Variants in CDHR3 observed in about 807,000 individuals in gnomAD.
CDHR3 encodes the protein cadherin related family member 3.
In CDHR3, 79 loss-of-function variants were observed where a neutral mutation model predicts 86.6. The ratio of observed to expected loss-of-function variants is 0.91; its 90% CI spans 0.76 to 1.10. The LOEUF is 1.10. CDHR3 is among the 50% of genes least tolerant of loss of function. The pLI, the probability that CDHR3 is intolerant of heterozygous loss-of-function variation, is 0.00. For missense variants in CDHR3, 1,081 were observed against 1,077.6 expected (o/e 1.00, Z -0.04); for synonymous variants, 421 against 402.4 (o/e 1.05, Z -0.55).
rs1438446831 is a variant in CDHR3 at position 106,016,042 on chromosome 7, A to C, written c.1426+17A>C. The C allele has an allele frequency of 6.4e-6, 10 of 1,550,496 alleles. No individual in the cohort carries two copies. Among genetic ancestry groups the C allele is most frequent in the African/African-American group, 1.4e-5 (1 of 73,724 alleles). ...GAAGGCCCGGTAAGTAACAGATAAG[A>C]CACAGACCAGAGTGCTGTCAATGGA... On this transcript the variant is annotated intron_variant, in intron 11 of 18. Transcript: ENST00000317716.
chr7:106,008,039 G>T (rs1263980422), intron 8 of CDHR3, among the ~76,000 whole-genome samples: 1 of 152,188 alleles, frequency 6.6e-6, no homozygotes, highest in Non-Finnish European at 1.5e-5. Flanking sequence ...GAGAGCTTGT[G>T]CAGGGAAACT....
chr7:106,017,249 C>T (rs1005293101), intron 11 of CDHR3, among the ~76,000 whole-genome samples: 1 of 151,898 alleles, frequency 6.6e-6, no homozygotes, highest in Non-Finnish European at 1.5e-5. Context: ...GATTAGTGTC[C>T]CTGGAGCCTA....
rs1348547419 is a variant in CDHR3 at position 106,033,629 on chromosome 7, A to G, written c.*932A>G. ...GTGGTGGGCACATGTAATCCCAGCTACTTGGGAGGCTGAGGTAGGGAGAAC... is the reference window on the plus strand; with the variant it reads ...GTGGTGGGCACATGTAATCCCAGCTGCTTGGGAGGCTGAGGTAGGGAGAAC... On this transcript the variant is annotated 3_prime_UTR_variant, in exon 19 of 19. Transcript: ENST00000317716. The G allele has an allele frequency of 6.6e-6, 1 of 152,174 alleles. No individual in the cohort carries two copies. The highest frequency in any genetic ancestry group is 1.5e-5 in the Non-Finnish European group (1 of 68,056). 9.4% of individuals were successfully genotyped at this position (152,174 alleles called of 1,614,324 possible). A position where few individuals can be genotyped will look rare whatever the true frequency, so the allele number is the denominator to read the frequency against.
intron 9 of CDHR3, among the ~76,000 whole-genome samples, chr7:106,014,310 G>A (rs143342047): frequency 1.8e-3 from 267 of 152,228 alleles, no homozygotes; most frequent in African/African-American, 6.2e-3. Flanking sequence ...GTGAATGCTC[G>A]AAACCACAGA....
At position 106,022,319 on chromosome 7, in the gene CDHR3, T is replaced by C. The variant is rs1483785112; in HGVS notation, c.1947T>C (p.Leu649=). 4 of 1,614,066 alleles carry C rather than the reference T, an allele frequency of 2.5e-6. No individual in the cohort carries two copies. Among genetic ancestry groups the C allele is most frequent in the Non-Finnish European group, 3.4e-6 (4 of 1,179,914 alleles). ...ATAAGATCTGGGACTACAAGCTACTTGTCTACGTAACTGATGACAACTTGA... is the reference window on the plus strand; with the variant it reads ...ATAAGATCTGGGACTACAAGCTACTCGTCTACGTAACTGATGACAACTTGA... The part of the protein sequence containing the change: ...GFDKIWDYKL[L]VYVTDDNLMS... The change falls in exon 14 of 19, where the codon CTT becomes CTC. Residue 649 remains leucine (L), a synonymous_variant. Transcript: ENST00000317716.
intron 5 of CDHR3, 102 bp downstream of exon 5, chr7:105,994,947 C>T (rs567351433): frequency 1.1e-6 from 1 of 891,098 alleles, no homozygotes; most frequent in Non-Finnish European, 1.8e-6. Context: ...TGGGGGGAGC[C>T]CCTTGAGCAG....
At position 105,994,805 on chromosome 7, in the gene CDHR3, T is replaced by C; in HGVS notation, c.568T>C (p.Phe190Leu). The C allele has an allele frequency of 6.2e-7, 1 of 1,612,586 alleles. No individual in the cohort carries two copies. The highest frequency in any genetic ancestry group is 8.5e-7 in the Non-Finnish European group (1 of 1,179,332). The change falls in exon 5 of 19, where the codon TTC becomes CTC. Residue 190 changes from phenylalanine (F) to leucine (L), a missense_variant. Physicochemically the swap from Phe to Leu is conservative, Grantham distance 22. Transcript: ENST00000317716. ...CAGAATGTCTGCTAATGGCACCCTC[T>C]TCTCCACAACAGAATTGGACTTTGA... ...SFRMSANGTLFSTTELDFEAG... is the reference protein window; with the variant it reads ...SFRMSANGTLLSTTELDFEAG...
At chr7:106,018,160 GAGGAAACTTCCC>G (rs1345343964) in intron 12 of CDHR3, 88 bp downstream of exon 12, 8 of 1,000,426 alleles carry the variant, frequency 8.0e-6, no homozygotes, top group Non-Finnish European at 1.2e-5. Flanking sequence ...ATGTGGCAAT[GAGGAAACTTCCC>G]AGGGTACATC....
At chr7:105,981,262 G>A in intron 3 of CDHR3, 129 bp downstream of exon 3, 1 of 850,552 alleles carries the variant, frequency 1.2e-6, no homozygotes, top group Non-Finnish European at 1.8e-6. Flanking sequence ...TGCTTAATGA[G>A]CAGGGAATAA....
At position 106,032,870 on chromosome 7, in the gene CDHR3, C is replaced by T; in HGVS notation, c.*173C>T. 1.6e-6 allele frequency: 1 copy of T among 615,014 alleles called. No individual in the cohort carries two copies. Among genetic ancestry groups the T allele is most frequent in the Admixed American group, 3.0e-5 (1 of 33,076 alleles). The allele number at this position is 615,014 out of a possible 1,614,324, so 38.1% of individuals were successfully genotyped here. Reference sequence around the variant, plus strand: ...TTAAACAAATAGAAAGGGGTTTGATCACATAGTTGCGTGTTCTGAAATGAT... The same window carrying T: ...TTAAACAAATAGAAAGGGGTTTGATTACATAGTTGCGTGTTCTGAAATGAT... On this transcript the variant is annotated 3_prime_UTR_variant, in exon 19 of 19. Transcript: ENST00000317716.
chr7:105,986,714 T>C (rs1216723648), intron 4 of CDHR3, among the ~76,000 whole-genome samples: 1 of 152,160 alleles, frequency 6.6e-6, no homozygotes, highest in Non-Finnish European at 1.5e-5. Flanking sequence ...AGGCCCTGTT[T>C]GTTCAGATTC....
At chr7:105,975,550 T>C (rs894565828) in intron 2 of CDHR3, among the ~76,000 whole-genome samples, 1 of 152,212 alleles carries the variant, frequency 6.6e-6, no homozygotes, top group Admixed American at 6.5e-5. Context: ...ATGTGAATGT[T>C]TCCTCTTGGA....
chr7:106,017,928 G>C lies in CDHR3; in HGVS notation c.1509G>C (p.Gly503=), dbSNP rs1359852987. ...TCCTGTACTCCATCTCCACTGGAGG[G>C]GCCAGCCTCCAGTATCCAAATGTAT... The part of the protein sequence containing the change: ...SSLLYSISTG[G]ASLQYPNVFW... Residue 503 remains glycine (G), a synonymous_variant, in exon 12 of 19, where the codon GGG becomes GGC. Coordinates refer to ENST00000317716, the MANE Select transcript of CDHR3 (RefSeq NM_152750.5). The C allele has an allele frequency of 1.9e-6, 3 of 1,611,792 alleles. No individual in the cohort carries two copies. The Admixed American group carries it at 5.0e-5, about 27-fold the overall frequency.
intron 1 of CDHR3, among the ~76,000 whole-genome samples, chr7:105,966,897 G>T (rs987370199): frequency 6.6e-6 from 1 of 152,024 alleles, no homozygotes; most frequent in African/African-American, 2.4e-5. Context: ...GACCTAGCTG[G>T]TGCAAAATTA....
chr7:105,980,623 A>ATTTTTTTTTTTTTTTTTT (rs55880404), intron 2 of CDHR3, among the ~76,000 whole-genome samples: 7 of 108,152 alleles, frequency 6.5e-5, no homozygotes, highest in African/African-American at 1.1e-4. Context: ...TTTTTTTTTA[A>ATTTTTTTTTTTTTTTTTT]TTTTTTTTTT....
chr7:105,989,211 T>TA (rs1340476236), intron 4 of CDHR3, among the ~76,000 whole-genome samples: 10 of 83,472 alleles, frequency 1.2e-4, no homozygotes, highest in Non-Finnish European at 4.7e-5. Context: ...CTTCTTTGGG[T>TA]ACCCACCCCC....
intron 4 of CDHR3, among the ~76,000 whole-genome samples, chr7:105,992,063 A>T (rs1831436319): frequency 6.6e-6 from 1 of 152,132 alleles, no homozygotes; most frequent in Admixed American, 6.5e-5. Flanking sequence ...CCTTCTTCTC[A>T]GTTCCCGTCA....
At chr7:106,006,481 AT>A (rs1337046974) in intron 8 of CDHR3, among the ~76,000 whole-genome samples, 1 of 152,224 alleles carries the variant, frequency 6.6e-6, no homozygotes, top group African/African-American at 2.4e-5. Flanking sequence ...CCTAGATACA[AT>A]GGGGGTATAG....
chr7:106,002,170 G>C (rs1282271259), intron 7 of CDHR3, among the ~76,000 whole-genome samples: 1 of 152,180 alleles, frequency 6.6e-6, no homozygotes, highest in Non-Finnish European at 1.5e-5. Flanking sequence ...GTGGGGGGCA[G>C]TGAAGAGATT....
Sources: gnomAD v4.1 joint callset for allele counts (sites outside exome capture counted in the v4.1 genomes callset) on GRCh38, gnomAD v4.1.1 for gene constraint, MANE v1.5 for transcripts, NCBI Gene and HGNC (gene_info 2026-07-23, HGNC 2026-07-21) for gene names.